LIPI: variants seen among roughly 807,000 people sequenced by gnomAD.
LIPI encodes the protein lipase member I.
In LIPI, 59 loss-of-function variants were observed where a neutral mutation model predicts 50.6. The observed-to-expected ratio is 1.16, with a 90% CI of 0.94 to 1.45. The LOEUF (loss-of-function observed/expected upper bound fraction) is 1.45, where lower values mean the gene tolerates loss of function less well. Ranked by LOEUF, LIPI falls within the 40% of genes most tolerant of loss-of-function variation. LIPI has a pLI of 0.00. For missense variants in LIPI, 586 were observed against 536.3 expected, an observed-to-expected ratio of 1.09 and a Z score of -0.92; for synonymous variants, 203 against 178.2, an observed-to-expected ratio of 1.14 and a Z score of -1.11.
intron 6 of LIPI, among the ~76,000 whole-genome samples, chr21:14,164,056 A>T (rs2018588460): frequency 6.7e-6 from 1 of 150,280 alleles, no homozygotes; most frequent in Non-Finnish European, 1.5e-5. Context: ...ACATATGTGT[A>T]CATATAAAAT....
chr21:14,178,467 A>G (rs2019165350), intron 4 of LIPI, among the ~76,000 whole-genome samples: 1 of 151,936 alleles, frequency 6.6e-6, no homozygotes, highest in Admixed American at 6.6e-5. Flanking sequence ...CTCTTTACCT[A>G]TTTCTAATTT....
rs1403118479 is a variant in LIPI at position 14,128,621 on chromosome 21, TA to T, written c.1295+16001del. 2.0e-5 allele frequency among the ~76,000 whole-genome samples: 3 copies of T among 152,196 alleles called. No individual in the cohort carries two copies. In the East Asian group the frequency reaches 5.8e-4, roughly 29 times the overall value. ...AAAATAATTATCAAGGATATATCCT[TA>T]AAGATGCCTAAATAGTCAAAGAAAT... On this transcript the variant is annotated intron_variant, in intron 9 of 9. Coordinates refer to ENST00000681601, the MANE Select transcript of LIPI (RefSeq NM_001302998.2).
At chr21:14,161,233 T>A (rs571611080) in intron 7 of LIPI, among the ~76,000 whole-genome samples, 140 of 150,192 alleles carry the variant, frequency 9.3e-4, no homozygotes, top group African/African-American at 3.2e-3. Flanking sequence ...CTTCAACAGG[T>A]GATTGGTTAA....
intron 1 of LIPI, among the ~76,000 whole-genome samples, chr21:14,194,840 A>G (rs1409773610): frequency 6.6e-6 from 1 of 152,218 alleles, no homozygotes; most frequent in Non-Finnish European, 1.5e-5. Context: ...CACAATTGAA[A>G]GAAAACAAAA....
At chr21:14,125,937 C>A (rs1043471799) in intron 9 of LIPI, among the ~76,000 whole-genome samples, 1 of 151,920 alleles carries the variant, frequency 6.6e-6, no homozygotes, top group African/African-American at 2.4e-5. Flanking sequence ...TGGCAGAGAT[C>A]ATCATCATTT....
At chr21:14,116,870 A>G (rs992863787) in intron 9 of LIPI, among the ~76,000 whole-genome samples, 1 of 152,186 alleles carries the variant, frequency 6.6e-6, no homozygotes, top group Non-Finnish European at 1.5e-5. Context: ...AGCAAGGACA[A>G]CAGGAAAAGC....
intron 9 of LIPI, among the ~76,000 whole-genome samples, chr21:14,132,169 C>A (rs1415281084): frequency 6.6e-6 from 1 of 152,164 alleles, no homozygotes; most frequent in East Asian, 1.9e-4. Flanking sequence ...ATAAAAACTT[C>A]TCAATCTAAC....
chr21:14,199,824 A>C (rs1410311813), intron 1 of LIPI, among the ~76,000 whole-genome samples: 2 of 151,856 alleles, frequency 1.3e-5, no homozygotes, highest in Non-Finnish European at 2.9e-5. Context: ...GGCCAATATC[A>C]TTGATGAATA....
chr21:14,165,694 CAT>C (rs568575942), intron 5 of LIPI, among the ~76,000 whole-genome samples: 82 of 152,324 alleles, frequency 5.4e-4, no homozygotes, highest in African/African-American at 2.0e-3. Context: ...CTAGTGTACA[CAT>C]CTTTTCCTTC....
At chr21:14,184,480 A>G (rs1456378210) in intron 3 of LIPI, among the ~76,000 whole-genome samples, 1 of 152,052 alleles carries the variant, frequency 6.6e-6, no homozygotes, top group African/African-American at 2.4e-5. Flanking sequence ...GTATAATAAT[A>G]ATAAAATTTA....
Position 14,109,025 on chromosome 21 carries a change from T to C in LIPI, c.1351A>G (p.Asn451Asp), listed in dbSNP as rs774130002. ...VLKDREEVFL[N>D]PNTCTPKNT Reference sequence around the variant, plus strand: ...TTCTTTGGTGTACATGTGTTTGGATTAAGAAACACTTCCTCTCTGTCTTTA... The same window carrying C: ...TTCTTTGGTGTACATGTGTTTGGATCAAGAAACACTTCCTCTCTGTCTTTA... The change falls in exon 10 of 10, where the codon AAT (asparagine) becomes GAT (aspartate). Residue 451 changes from asparagine to aspartate, a missense_variant. Coordinates refer to ENST00000681601, the MANE Select transcript of LIPI (RefSeq NM_001302998.2). 1 of 1,598,960 alleles carries C rather than the reference T, an allele frequency of 6.3e-7. No homozygotes were observed. Among genetic ancestry groups the C allele is most frequent in the Non-Finnish European group, 8.6e-7 (1 of 1,166,612 alleles).
At chr21:14,154,833 T>G (rs184814267) in intron 7 of LIPI, among the ~76,000 whole-genome samples, 1 of 152,140 alleles carries the variant, frequency 6.6e-6, no homozygotes, top group East Asian at 1.9e-4. Flanking sequence ...ACAGAGGAAC[T>G]GCCCGCTAAA....
intron 4 of LIPI, among the ~76,000 whole-genome samples, chr21:14,168,680 C>G (rs1460057237): frequency 6.6e-6 from 1 of 152,076 alleles, no homozygotes; most frequent in African/African-American, 2.4e-5. Context: ...ATTTTTGTCA[C>G]CACCAGGCCT....
At chr21:14,191,339 T>C (rs1443161168) in intron 1 of LIPI, among the ~76,000 whole-genome samples, 1 of 138,676 alleles carries the variant, frequency 7.2e-6, no homozygotes, top group African/African-American at 2.7e-5. Context: ...ATCCCGCCAC[T>C]GCACTCCAGC....
intron 4 of LIPI, among the ~76,000 whole-genome samples, chr21:14,167,107 T>C (rs901180749): frequency 6.6e-6 from 1 of 152,152 alleles, no homozygotes; most frequent in Non-Finnish European, 1.5e-5. Flanking sequence ...GTCTCACTGA[T>C]GGCTAGCACA....
At chr21:14,162,192 C>T (rs2018523031) in intron 7 of LIPI, among the ~76,000 whole-genome samples, 1 of 150,914 alleles carries the variant, frequency 6.6e-6, no homozygotes, top group South Asian at 2.1e-4. Context: ...GGATGAACCT[C>T]CAGGGAACTA....
At chr21:14,160,566 C>A (rs1422781042) in intron 7 of LIPI, among the ~76,000 whole-genome samples, 1 of 150,964 alleles carries the variant, frequency 6.6e-6, no homozygotes, top group African/African-American at 2.4e-5. Context: ...CAGGAGAAAA[C>A]CCTCAGGACC....
chr21:14,188,088 C>A (rs544775652), intron 2 of LIPI, among the ~76,000 whole-genome samples: 4 of 152,270 alleles, frequency 2.6e-5, no homozygotes, highest in African/African-American at 9.6e-5. Flanking sequence ...AGATATCACC[C>A]TTCTTTCTCT....
chr21:14,151,532 T>C (rs1449211705), intron 8 of LIPI, among the ~76,000 whole-genome samples: 23 of 152,184 alleles, frequency 1.5e-4, no homozygotes, highest in Admixed American at 1.4e-3. Flanking sequence ...CACAACAAAA[T>C]ACACTTTTAT....
Sources: gnomAD v4.1 joint callset for allele counts (sites outside exome capture counted in the v4.1 genomes callset) on GRCh38, gnomAD v4.1.1 for gene constraint, MANE v1.5 for transcripts, NCBI Gene and HGNC (gene_info 2026-07-23, HGNC 2026-07-21) for gene names.